PHIP: variants seen among roughly 807,000 people sequenced by gnomAD.
PHIP encodes PHIP subunit of CUL4-Ring ligase complex, also known as PH-interacting protein.
PHIP carries 54 observed loss-of-function variants against 236.8 expected under a neutral mutation model. That is an observed-to-expected ratio of 0.23 (90% CI 0.18 to 0.29). PHIP has a LOEUF of 0.29. Ranked by LOEUF, PHIP falls within the 10% of genes least tolerant of loss-of-function variation. PHIP has a pLI of 1.00. For synonymous variants in PHIP, 756 were observed against 718.9 expected (o/e 1.05, Z -0.83); for missense variants, 1,370 against 2,190.8 (o/e 0.63, Z 7.48).
intron 4 of PHIP, among the ~76,000 whole-genome samples, chr6:79,074,670 T>A (rs1350343929): frequency 6.6e-6 from 1 of 152,130 alleles, no homozygotes; most frequent in African/African-American, 2.4e-5. Context: ...ATCAGTCATG[T>A]TTTATACCAG....
At chr6:79,034,120 T>C (rs753660810) in intron 7 of PHIP, among the ~76,000 whole-genome samples, 4 of 152,134 alleles carry the variant, frequency 2.6e-5, no homozygotes, top group Non-Finnish European at 5.9e-5. Context: ...GTGAGAAGTA[T>C]CGAAATGTGA....
At chr6:78,989,253 A>G (rs888096999) in intron 20 of PHIP, among the ~76,000 whole-genome samples, 3 of 152,098 alleles carry the variant, frequency 2.0e-5, no homozygotes, top group Non-Finnish European at 4.4e-5. Flanking sequence ...CTGTCTCTAC[A>G]AAGTTAAAAA....
chr6:79,016,033 C>T (rs999976680), intron 13 of PHIP, among the ~76,000 whole-genome samples: 30 of 151,784 alleles, frequency 2.0e-4, no homozygotes, highest in African/African-American at 7.2e-4. Flanking sequence ...ACTGCTATAA[C>T]TCTATCTAGA....
intron 23 of PHIP, among the ~76,000 whole-genome samples, chr6:78,979,590 G>T (rs1042933661): frequency 3.3e-5 from 5 of 151,946 alleles, no homozygotes; most frequent in African/African-American, 9.7e-5. Flanking sequence ...TAACTTTGCT[G>T]GTCACCCACA....
chr6:79,043,455 AATG>A (rs1195161533), intron 6 of PHIP, among the ~76,000 whole-genome samples: 20 of 152,174 alleles, frequency 1.3e-4, no homozygotes, highest in Non-Finnish European at 2.8e-4. Flanking sequence ...TGACATGCAG[AATG>A]ATATTTAAAA....
intron 24 of PHIP, among the ~76,000 whole-genome samples, chr6:78,974,927 C>T (rs1194908169): frequency 4.6e-5 from 7 of 151,556 alleles, no homozygotes; most frequent in South Asian, 2.1e-4. Flanking sequence ...GATTCACAGC[C>T]GAATTCTACC....
chr6:78,994,054 C>T (rs538923337), intron 19 of PHIP, among the ~76,000 whole-genome samples: 8 of 152,146 alleles, frequency 5.3e-5, no homozygotes, highest in Admixed American at 3.3e-4. Context: ...TAGATGATTC[C>T]GAAGGCTGAA....
intron 4 of PHIP, among the ~76,000 whole-genome samples, chr6:79,064,401 T>C (rs975951488): frequency 6.6e-6 from 1 of 152,170 alleles, no homozygotes; most frequent in African/African-American, 2.4e-5. Flanking sequence ...GAAACATGTT[T>C]TTAAAAGAAT....
chr6:79,033,818 G>T (rs145289504), intron 7 of PHIP, among the ~76,000 whole-genome samples: 1 of 152,114 alleles, frequency 6.6e-6, no homozygotes, highest in African/African-American at 2.4e-5. Context: ...TTCCTCACTC[G>T]CCTTAATCTT....
chr6:78,966,138 A>C, intron 27 of PHIP, 82 bp from the exon 28 acceptor site: 2 of 824,626 alleles, frequency 2.4e-6, no homozygotes, highest in South Asian at 1.4e-5. Flanking sequence ...ACCTTTAAGT[A>C]CCTAAACTGC....
chr6:79,006,794 T>C (rs1770315050), intron 15 of PHIP, among the ~76,000 whole-genome samples: 1 of 152,008 alleles, frequency 6.6e-6, no homozygotes, highest in African/African-American at 2.4e-5. Context: ...AAATCAAGTA[T>C]GCTTGTTATG....
intron 10 of PHIP, 27 bp from the exon 11 acceptor site, chr6:79,017,610 G>A: frequency 6.7e-7 from 1 of 1,494,518 alleles, no homozygotes. Flanking sequence ...CAATTGTTAA[G>A]AAGTAAAACA....
intron 10 of PHIP, 97 bp downstream of exon 10, chr6:79,018,992 A>G (rs1770977534): frequency 2.6e-6 from 2 of 772,886 alleles, no homozygotes; most frequent in Admixed American, 4.2e-5. Context: ...CATGATTGAT[A>G]ATACAACAGT....
intron 20 of PHIP, among the ~76,000 whole-genome samples, chr6:78,990,463 T>C (rs1301087417): frequency 6.6e-6 from 1 of 152,096 alleles, no homozygotes; most frequent in African/African-American, 2.4e-5. Context: ...AAATATTATC[T>C]ATAGCAGCAT....
intron 6 of PHIP, among the ~76,000 whole-genome samples, chr6:79,057,324 T>C (rs369732492): frequency 2.1e-4 from 32 of 152,080 alleles, no homozygotes; most frequent in African/African-American, 7.0e-4. Context: ...GTGGGAAAAC[T>C]TAGTGAGACA....
At chr6:79,037,598 C>T (rs1434693250) in intron 7 of PHIP, among the ~76,000 whole-genome samples, 1 of 152,150 alleles carries the variant, frequency 6.6e-6, no homozygotes, top group Non-Finnish European at 1.5e-5. Flanking sequence ...CACATGAATA[C>T]TTTGGAGAAG....
intron 17 of PHIP, among the ~76,000 whole-genome samples, chr6:78,999,877 GAAGTAA>G (rs1769875907): frequency 1.3e-5 from 2 of 151,996 alleles, no homozygotes; most frequent in Admixed American, 1.3e-4. Context: ...AAAGCAGACA[GAAGTAA>G]AAGTTCAAAT....
At chr6:79,034,072 A>C (rs564793538) in intron 7 of PHIP, among the ~76,000 whole-genome samples, 1 of 152,326 alleles carries the variant, frequency 6.6e-6, no homozygotes, top group African/African-American at 2.4e-5. Flanking sequence ...ATAGATCACC[A>C]TAACAGTTAT....
In PHIP at chr6:78,939,829, A is replaced by G. The variant is rs1353145512; in HGVS notation, c.*864T>C. The G allele has an allele frequency of 1.3e-5, 2 of 152,424 alleles. No homozygotes were observed. The highest frequency in any genetic ancestry group is 4.8e-5 in the African/African-American group (2 of 41,442). 9.4% of individuals were successfully genotyped at this position (152,424 alleles called of 1,614,324 possible). A position where few individuals can be genotyped will look rare whatever the true frequency, so the allele number is the denominator to read the frequency against. ...AGGACCCACCAGTGCATTATTTTCT[A>G]TTAGTACCAAAAAAAGATATATCTC... is the stretch of plus-strand genomic sequence containing the variant. On this transcript the variant is annotated 3_prime_UTR_variant, in exon 40 of 40. Coordinates refer to ENST00000275034, the MANE Select transcript of PHIP (RefSeq NM_017934.7).
Sources: allele counts gnomAD v4.1 joint callset (sites outside exome capture counted in the v4.1 genomes callset), GRCh38; gene constraint gnomAD v4.1.1; transcripts MANE v1.5; gene names NCBI Gene and HGNC (gene_info 2026-07-23, HGNC 2026-07-21).